Variants in CCDC175 observed in about 807,000 individuals in gnomAD.
CCDC175 encodes the protein coiled-coil domain containing 175, also known as coiled-coil domain-containing protein 175.
In CCDC175, 100 loss-of-function variants were observed where a neutral mutation model predicts 114.6. That is an observed-to-expected ratio of 0.87 (90% CI 0.74 to 1.03). The LOEUF (loss-of-function observed/expected upper bound fraction) is 1.03, where lower values mean the gene tolerates loss of function less well. CCDC175 is among the 50% of genes least tolerant of loss of function. The probability of loss-of-function intolerance (pLI) is 0.00; values close to 1 mark genes in which losing one functional copy is unlikely to be tolerated. For missense variants in CCDC175, 880 were observed against 917.8 expected (o/e 0.96, Z 0.53); for synonymous variants, 306 against 308.7 (o/e 0.99, Z 0.09).
intron 7 of CCDC175, among the ~76,000 whole-genome samples, chr14:59,556,479 T>C (rs1259380559): frequency 6.6e-6 from 1 of 152,208 alleles, no homozygotes; most frequent in African/African-American, 2.4e-5. Context: ...ATTAAAGACT[T>C]AAGTCTTAGA....
intron 4 of CCDC175, among the ~76,000 whole-genome samples, chr14:59,567,351 G>A (rs1896615167): frequency 1.3e-5 from 2 of 152,100 alleles, no homozygotes; most frequent in African/African-American, 2.4e-5. Context: ...CCTGGTTTGG[G>A]ATCAATGTCC....
chr14:59,545,798 T>C (rs1895070047), intron 8 of CCDC175, among the ~76,000 whole-genome samples: 1 of 152,216 alleles, frequency 6.6e-6, no homozygotes, highest in Non-Finnish European at 1.5e-5. Context: ...AAGTCAAGTT[T>C]AGCGGAAACA....
intron 7 of CCDC175, among the ~76,000 whole-genome samples, chr14:59,560,530 G>A (rs1595067032): frequency 6.6e-6 from 1 of 152,258 alleles, no homozygotes; most frequent in African/African-American, 2.4e-5. Flanking sequence ...CAATTCGGAG[G>A]ATTTGGCATA....
chr14:59,563,795 A>T lies in CCDC175; in HGVS notation c.785T>A (p.Leu262Ter), dbSNP rs970988138. 3.5e-6 allele frequency: 5 copies of T among 1,435,808 alleles called. No individual in the cohort carries two copies. Among genetic ancestry groups the T allele is most frequent in the Non-Finnish European group, 4.6e-6 (5 of 1,093,112 alleles). 88.9% of individuals were successfully genotyped at this position (1,435,808 alleles called of 1,614,324 possible). The change falls in exon 6 of 20, where the codon TTG becomes TAG. Residue 262 changes from leucine (L) to a stop codon, truncating the protein, a stop_gained. Transcript: ENST00000537690. LOFTEE classifies it high-confidence loss of function. ...TGACATTTTAGTTTGTAATTTATCC[A>T]ATTCTTTCTTCTTTTGATAAGTCTC... Reference protein sequence around the residue: ...RMETYQKKKELDKLQTKMSKI... With the variant: ...RMETYQKKKE
intron 7 of CCDC175, among the ~76,000 whole-genome samples, chr14:59,552,117 G>A (rs1895543758): frequency 6.6e-6 from 1 of 152,238 alleles, no homozygotes; most frequent in South Asian, 2.1e-4. Flanking sequence ...TTTGAAGAGA[G>A]TAGTGGTTCT....
intron 11 of CCDC175, among the ~76,000 whole-genome samples, chr14:59,540,467 T>C (rs939583093): frequency 1.4e-5 from 2 of 146,016 alleles, no homozygotes; most frequent in African/African-American, 2.5e-5. Flanking sequence ...TTGATTGAAA[T>C]GGAAAACTTT....
chr14:59,572,659 A>T (rs1303885433), intron 3 of CCDC175, 43 bp downstream of exon 3: 2 of 1,087,038 alleles, frequency 1.8e-6, no homozygotes, highest in African/African-American at 1.6e-5. Flanking sequence ...TCATTCTGTT[A>T]TAAGATCAAC....
intron 9 of CCDC175, among the ~76,000 whole-genome samples, chr14:59,543,949 T>C (rs1894944860): frequency 6.6e-6 from 1 of 152,232 alleles, no homozygotes; most frequent in African/African-American, 2.4e-5. Context: ...TCTGTCATGT[T>C]CTTCCATGGA....
chr14:59,521,830 C>T (rs920249672), intron 16 of CCDC175, among the ~76,000 whole-genome samples, 154 bp from the exon 17 acceptor site: 1 of 152,186 alleles, frequency 6.6e-6, no homozygotes, highest in Non-Finnish European at 1.5e-5. Context: ...ATACCTTGGT[C>T]AGGATTCCAT....
intron 10 of CCDC175, among the ~76,000 whole-genome samples, chr14:59,542,475 CA>C (rs143027047): frequency 0.11 from 16,451 of 149,826 alleles, 980 homozygotes; most frequent in African/African-American, 0.16. Flanking sequence ...GACTTTATTA[CA>C]AAAAAAAAGT....
intron 18 of CCDC175, among the ~76,000 whole-genome samples, chr14:59,511,110 AAG>A (rs1213047258): frequency 1.3e-5 from 2 of 151,884 alleles, no homozygotes; most frequent in African/African-American, 4.8e-5. Context: ...CACAGAGCTG[AAG>A]AGATTCAGCC....
At chr14:59,510,382 A>G (rs577864010) in intron 19 of CCDC175, 107 of 304,302 alleles carry the variant, frequency 3.5e-4, no homozygotes, top group African/African-American at 2.1e-3. Flanking sequence ...CCTTCTCTGG[A>G]AAAATGTTTA....
chr14:59,555,079 C>A (rs1436378746), intron 7 of CCDC175, among the ~76,000 whole-genome samples: 8 of 152,112 alleles, frequency 5.3e-5, no homozygotes, highest in Non-Finnish European at 1.5e-5. Context: ...CTATTCCAAT[C>A]AATAGAAAGA....
intron 19 of CCDC175, among the ~76,000 whole-genome samples, chr14:59,506,593 C>T (rs1451826156): frequency 3.3e-5 from 5 of 152,138 alleles, no homozygotes; most frequent in Non-Finnish European, 7.4e-5. Flanking sequence ...CAGCTGAGCA[C>T]AGGGGTTTTT....
At chr14:59,546,100 T>G (rs1204099892) in intron 8 of CCDC175, among the ~76,000 whole-genome samples, 1 of 151,990 alleles carries the variant, frequency 6.6e-6, no homozygotes, top group East Asian at 1.9e-4. Context: ...ATAAAGAAAA[T>G]GTGGTAATAA....
At chr14:59,568,649 T>C (rs1025572660) in intron 3 of CCDC175, among the ~76,000 whole-genome samples, 1 of 152,132 alleles carries the variant, frequency 6.6e-6, no homozygotes, top group African/African-American at 2.4e-5. Context: ...TCCATGCACT[T>C]CTCACCTCCT....
chr14:59,529,990 T>A (rs1893967882), intron 14 of CCDC175, among the ~76,000 whole-genome samples: 1 of 152,210 alleles, frequency 6.6e-6, no homozygotes, highest in Admixed American at 6.5e-5. Flanking sequence ...GTACTTGCAA[T>A]GTTTTTGCTT....
intron 19 of CCDC175, among the ~76,000 whole-genome samples, chr14:59,508,565 C>CAA (rs565175219): frequency 0.018 from 1,317 of 74,432 alleles, 49 homozygotes; most frequent in African/African-American, 0.053. Flanking sequence ...GGCCCTGTCT[C>CAA]AAAAAAAAAA....
chr14:59,532,379 C>A (rs1435087819), intron 13 of CCDC175, among the ~76,000 whole-genome samples: 2 of 152,162 alleles, frequency 1.3e-5, no homozygotes, highest in African/African-American at 4.8e-5. Flanking sequence ...CATGAAGATG[C>A]CTGCCTACTT....
Sources: gnomAD v4.1 joint callset for allele counts (sites outside exome capture counted in the v4.1 genomes callset) on GRCh38, gnomAD v4.1.1 for gene constraint, MANE v1.5 for transcripts, NCBI Gene and HGNC (gene_info 2026-07-23, HGNC 2026-07-21) for gene names.